Variants in CHN2 observed in about 807,000 individuals in gnomAD.
The protein encoded by CHN2 is beta-chimaerin.
Under a neutral mutation model 56.3 loss-of-function variants are expected in CHN2, and 35 were observed. That is an observed-to-expected ratio of 0.62 (90% confidence interval 0.47 to 0.82). The LOEUF (loss-of-function observed/expected upper bound fraction) is 0.82, where lower values mean the gene tolerates loss of function less well. Ranked by LOEUF, CHN2 falls within the 40% of genes least tolerant of loss-of-function variation. CHN2 has a pLI of 0.00. For missense variants in CHN2, 491 were observed against 580.5 expected (o/e 0.85, Z 1.58); for synonymous variants, 210 against 212.8 (o/e 0.99, Z 0.12).
chr7:29,396,268 C>A lies in CHN2; in HGVS notation c.177-2105C>A, dbSNP rs10253457. ...GACCACTCCGGGCAACATGGTGAGA[C>A]CCGCCCCCACTCCCCGCATCTCTAC... is the stretch of plus-strand genomic sequence containing the variant. On this transcript the variant is annotated intron_variant, in intron 4 of 12. Coordinates refer to ENST00000222792, the MANE Select transcript of CHN2 (RefSeq NM_004067.4). 8.6e-3 allele frequency among the ~76,000 whole-genome samples: 1,303 copies of A among 151,860 alleles called. 20 individuals are homozygous for A. Among genetic ancestry groups the A allele is most frequent in the African/African-American group, 0.03 (1,231 of 41,436 alleles).
chr7:29,431,794 C>G (rs1782877959), intron 6 of CHN2, among the ~76,000 whole-genome samples: 1 of 152,162 alleles, frequency 6.6e-6, no homozygotes, highest in Non-Finnish European at 1.5e-5. Flanking sequence ...TGCACAGATT[C>G]TCCAGTGGCC....
At chr7:29,285,564 G>A (rs1001736265) in intron 1 of CHN2, among the ~76,000 whole-genome samples, 3 of 152,160 alleles carry the variant, frequency 2.0e-5, no homozygotes, top group East Asian at 1.9e-4. Flanking sequence ...TTGCTTTTTC[G>A]CAACCACAAT....
At chr7:29,212,476 T>A (rs1366335271) in intron 1 of CHN2, 1 of 1,590,570 alleles carries the variant, frequency 6.3e-7, no homozygotes, top group African/African-American at 1.3e-5. Flanking sequence ...CCTCCATGGA[T>A]CTGCTTATTC....
intron 1 of CHN2, among the ~76,000 whole-genome samples, chr7:29,196,781 A>G (rs1269851830): frequency 6.6e-6 from 1 of 152,234 alleles, no homozygotes; most frequent in Non-Finnish European, 1.5e-5. Flanking sequence ...CGTTGGTTTG[A>G]AACAACACAG....
chr7:29,301,444 T>C (rs1251816966), intron 1 of CHN2, among the ~76,000 whole-genome samples: 1 of 151,484 alleles, frequency 6.6e-6, no homozygotes, highest in Non-Finnish European at 1.5e-5. Flanking sequence ...TGCTTTGCCC[T>C]AAAAGAGGAT....
chr7:29,511,896 T>C (rs1487031665), intron 12 of CHN2, among the ~76,000 whole-genome samples: 2 of 152,106 alleles, frequency 1.3e-5, no homozygotes, highest in African/African-American at 4.8e-5. Context: ...TGAATTTTAT[T>C]CTTAAAGGCT....
upstream of CHN2, chr7:29,192,590 T>C (rs1562818746): frequency 6.6e-6 from 1 of 152,230 alleles, no homozygotes; most frequent in Non-Finnish European, 1.5e-5. Flanking sequence ...TTTCAAACTA[T>C]ACATTCCTTC....
intron 2 of CHN2, chr7:29,148,723 AAAGAAAAAAC>A (rs1194278987): frequency 6.6e-6 from 1 of 152,226 alleles, no homozygotes; most frequent in Non-Finnish European, 1.5e-5. Flanking sequence ...ACTTGATTAA[AAAGAAAAAAC>A]AAGAAAAAAG....
chr7:29,401,863 C>T (rs1234872334), intron 6 of CHN2, among the ~76,000 whole-genome samples: 2 of 152,074 alleles, frequency 1.3e-5, no homozygotes, highest in Admixed American at 1.3e-4. Flanking sequence ...TGGGATGTGC[C>T]CCTTGAGGGA....
chr7:29,442,927 TGAA>T (rs2128124995), intron 6 of CHN2, among the ~76,000 whole-genome samples: 1 of 132,738 alleles, frequency 7.5e-6, no homozygotes, highest in African/African-American at 3.3e-5. Flanking sequence ...TCAATTTCAT[TGAA>T]TTTCTTTTTT....
intron 2 of CHN2, 89 bp downstream of exon 2, chr7:29,354,752 C>T (rs1798154581): frequency 3.5e-6 from 4 of 1,158,348 alleles, no homozygotes; most frequent in East Asian, 2.4e-5. Context: ...TGCACACAAG[C>T]GTTCCCACCT....
chr7:29,263,685 G>C (rs191523856), intron 1 of CHN2, among the ~76,000 whole-genome samples: 2,534 of 150,840 alleles, frequency 0.017, 62 homozygotes, highest in African/African-American at 0.059. Flanking sequence ...CCGTCATCCC[G>C]TCTAGGAAGT....
At chr7:29,263,453 G>A (rs1047398691) in intron 1 of CHN2, among the ~76,000 whole-genome samples, 5 of 151,902 alleles carry the variant, frequency 3.3e-5, no homozygotes, top group Non-Finnish European at 7.4e-5. Flanking sequence ...CCGCCACCCC[G>A]TATAGGAAGT....
intron 6 of CHN2, among the ~76,000 whole-genome samples, chr7:29,447,642 T>G (rs1455037162): frequency 6.6e-6 from 1 of 152,080 alleles, no homozygotes; most frequent in African/African-American, 2.4e-5. Flanking sequence ...ATCAGGTACC[T>G]CAAAACCAGT....
chr7:29,263,002 C>T (rs1457556142), intron 1 of CHN2, among the ~76,000 whole-genome samples: 1 of 152,136 alleles, frequency 6.6e-6, no homozygotes, highest in Non-Finnish European at 1.5e-5. Context: ...ATAAGAATCC[C>T]TTCTCCCCTC....
At chr7:29,249,269 C>T (rs1264193132) in intron 1 of CHN2, among the ~76,000 whole-genome samples, 1 of 152,176 alleles carries the variant, frequency 6.6e-6, no homozygotes, top group Non-Finnish European at 1.5e-5. Flanking sequence ...GCCTGAGAAC[C>T]GGCGGGGCTG....
chr7:29,326,698 T>C (rs2128899272), intron 1 of CHN2, among the ~76,000 whole-genome samples: 2 of 152,332 alleles, frequency 1.3e-5, no homozygotes, highest in Middle Eastern at 6.8e-3. Context: ...TAGTGTAATA[T>C]CATAGATGAC....
chr7:29,461,034 G>T (rs1293359051), intron 6 of CHN2, among the ~76,000 whole-genome samples: 2 of 152,168 alleles, frequency 1.3e-5, no homozygotes, highest in African/African-American at 4.8e-5. Flanking sequence ...AGCATAAATG[G>T]TTATCATCAA....
Position 29,237,521 on chromosome 7 carries a change from C to G in CHN2, c.49+42531C>G, listed in dbSNP as rs245956. Among the ~76,000 whole-genome samples the G allele has an allele frequency of 4.8e-3, 735 of 151,986 alleles. 2 individuals are homozygous for G. Among genetic ancestry groups the G allele is most frequent in the Admixed American group, 7.5e-3 (115 of 15,286 alleles). ...CTTGATTTTTTTTTCCAGATAACTT[C>G]AAAAGTCTAATGGAAAAGAGAAAGG... is the stretch of plus-strand genomic sequence containing the variant. On this transcript the variant is annotated intron_variant, in intron 1 of 12. Transcript: ENST00000222792.
Sources: allele counts gnomAD v4.1 joint callset (sites outside exome capture counted in the v4.1 genomes callset), GRCh38; gene constraint gnomAD v4.1.1; transcripts MANE v1.5; gene names NCBI Gene and HGNC (gene_info 2026-07-23, HGNC 2026-07-21).